The following CAPZB variants were observed in gnomAD, a reference collection of about 807,000 sequenced individuals.
CAPZB encodes F-actin-capping protein subunit beta.
Under a neutral mutation model 38.1 loss-of-function variants are expected in CAPZB, and 2 were observed. That is an observed-to-expected ratio of 0.05 (90% CI 0.02 to 0.17). CAPZB has a LOEUF of 0.17. Among genes scored for constraint, CAPZB ranks in the 10% least tolerant of loss-of-function variants. The pLI is 1.00. For synonymous variants in CAPZB, 107 were observed against 127.4 expected, an observed-to-expected ratio of 0.84 and a Z score of 1.08; for missense variants, 161 against 334.2, an observed-to-expected ratio of 0.48 and a Z score of 4.04.
At chr1:19,448,309 G>A (rs2094503209) in intron 1 of CAPZB, among the ~76,000 whole-genome samples, 1 of 152,214 alleles carries the variant, frequency 6.6e-6, no homozygotes. Context: ...ACTGTGAATG[G>A]GACATCTCCT....
chr1:19,463,213 G>A (rs2094557919), intron 1 of CAPZB, among the ~76,000 whole-genome samples: 1 of 152,146 alleles, frequency 6.6e-6, no homozygotes, highest in African/African-American at 2.4e-5. Flanking sequence ...CGGGTCTACA[G>A]GGCAATGTCT....
At chr1:19,483,264 C>A (rs10917461) in intron 1 of CAPZB, among the ~76,000 whole-genome samples, 34,540 of 152,158 alleles carry the variant, frequency 0.23, 3,991 homozygotes, top group Middle Eastern at 0.32. Context: ...GTTTTTCAAA[C>A]GGTATCATTA....
At chr1:19,434,925 G>A (rs1482106361) in intron 1 of CAPZB, among the ~76,000 whole-genome samples, 1 of 149,306 alleles carries the variant, frequency 6.7e-6, no homozygotes, top group Non-Finnish European at 1.5e-5. Context: ...GCAGGAGAGT[G>A]GGTAGCCACA....
At chr1:19,390,398 A>C (rs1039187494) in intron 2 of CAPZB, among the ~76,000 whole-genome samples, 3 of 152,196 alleles carry the variant, frequency 2.0e-5, no homozygotes, top group Admixed American at 6.5e-5. Flanking sequence ...TGTCTAAACC[A>C]CCCATCTGAA....
intron 1 of CAPZB, among the ~76,000 whole-genome samples, chr1:19,458,082 GAAAT>G (rs200074320): frequency 0.017 from 1,885 of 112,578 alleles, 40 homozygotes; most frequent in African/African-American, 0.058. Context: ...ATGTATATAA[GAAAT>G]AAAAGGAGTT....
At chr1:19,431,697 GGTGAC>G (rs943412119) in intron 1 of CAPZB, among the ~76,000 whole-genome samples, 3 of 151,412 alleles carry the variant, frequency 2.0e-5, no homozygotes, top group African/African-American at 7.3e-5. Flanking sequence ...CACCAGCCTG[GGTGAC>G]AGAGTGAGAC....
At chr1:19,371,293 CT>C (rs1332999161) in intron 4 of CAPZB, among the ~76,000 whole-genome samples, 14 of 152,340 alleles carry the variant, frequency 9.2e-5, no homozygotes, top group Non-Finnish European at 1.9e-4. Context: ...GGTCCCGTAT[CT>C]GTGATCATAA....
At chr1:19,368,396 G>A (rs2094101569) in intron 4 of CAPZB, among the ~76,000 whole-genome samples, 1 of 151,366 alleles carries the variant, frequency 6.6e-6, no homozygotes, top group Non-Finnish European at 1.5e-5. Flanking sequence ...GTAATCCCCA[G>A]CACTTTGGGA....
At chr1:19,465,221 A>AGAGGT (rs1456974451) in intron 1 of CAPZB, among the ~76,000 whole-genome samples, 2 of 152,192 alleles carry the variant, frequency 1.3e-5, no homozygotes, top group Non-Finnish European at 2.9e-5. Context: ...GCCAGAGTTA[A>AGAGGT]GAGGTGAGGC....
intron 1 of CAPZB, 30 bp downstream of exon 1, chr1:19,485,406 G>T: frequency 8.2e-7 from 1 of 1,226,328 alleles, no homozygotes; most frequent in Non-Finnish European, 1.0e-6. Flanking sequence ...AGGGGCCCCC[G>T]GGCCGGGGAG....
intron 1 of CAPZB, among the ~76,000 whole-genome samples, chr1:19,453,197 A>C (rs1194900449): frequency 6.6e-6 from 1 of 152,150 alleles, no homozygotes; most frequent in Non-Finnish European, 1.5e-5. Flanking sequence ...ACAACCTGGC[A>C]TACAGGCCCG....
At chr1:19,384,396 G>A (rs1230649785) in intron 3 of CAPZB, among the ~76,000 whole-genome samples, 1 of 152,156 alleles carries the variant, frequency 6.6e-6, no homozygotes, top group Non-Finnish European at 1.5e-5. Context: ...AGCCTTCCCT[G>A]CCTGCCCGTC....
chr1:19,470,662 G>A (rs1344319678), intron 1 of CAPZB, among the ~76,000 whole-genome samples: 2 of 152,188 alleles, frequency 1.3e-5, no homozygotes, highest in Non-Finnish European at 2.9e-5. Context: ...CCAAACCCCT[G>A]TGAGCAGTAA....
chr1:19,354,964 T>G (rs214343), intron 6 of CAPZB, among the ~76,000 whole-genome samples: 1 of 151,872 alleles, frequency 6.6e-6, no homozygotes, highest in East Asian at 1.9e-4. Flanking sequence ...AAGTGCCCCC[T>G]GTGTGCACTA....
chr1:19,339,984 A>T (rs1032051563), intron 8 of CAPZB, among the ~76,000 whole-genome samples: 3 of 152,122 alleles, frequency 2.0e-5, no homozygotes, highest in African/African-American at 7.2e-5. Flanking sequence ...GGGCTTCCAA[A>T]CACAATGGAA....
intron 1 of CAPZB, among the ~76,000 whole-genome samples, chr1:19,457,335 T>A (rs1336035213): frequency 6.6e-6 from 1 of 152,002 alleles, no homozygotes; most frequent in Non-Finnish European, 1.5e-5. Flanking sequence ...ACAGACAAGG[T>A]CCGCAGTGCT....
intron 4 of CAPZB, among the ~76,000 whole-genome samples, chr1:19,366,789 C>A (rs574074005): frequency 6.6e-6 from 1 of 152,294 alleles, no homozygotes; most frequent in East Asian, 1.9e-4. Flanking sequence ...AGCCATTCCC[C>A]GGCAGCTGAG....
At chr1:19,345,626 C>T (rs1353910689) in intron 6 of CAPZB, among the ~76,000 whole-genome samples, 7 of 152,258 alleles carry the variant, frequency 4.6e-5, no homozygotes, top group East Asian at 1.9e-4. Context: ...CCCAGGCCCA[C>T]GCTGGGCCAT....
chr1:19,380,478 G>C, intron 3 of CAPZB, among the ~76,000 whole-genome samples: 1 of 152,212 alleles, frequency 6.6e-6, no homozygotes, highest in Non-Finnish European at 1.5e-5. Context: ...CAGATGGCTG[G>C]GAAGACAGGC....
Sources: allele counts gnomAD v4.1 joint callset (sites outside exome capture counted in the v4.1 genomes callset), GRCh38; gene constraint gnomAD v4.1.1; transcripts MANE v1.5; gene names NCBI Gene and HGNC (gene_info 2026-07-23, HGNC 2026-07-21).